Variants in OIT3 observed in about 807,000 individuals in gnomAD.
The protein encoded by OIT3 is oncoprotein induced transcript 3, also known as oncoprotein-induced transcript 3 protein.
A neutral mutation model predicts 52.2 loss-of-function variants in OIT3; 41 were observed. That is an observed-to-expected ratio of 0.79 (90% CI 0.61 to 1.02). OIT3 has a LOEUF of 1.02. Ranked by LOEUF, OIT3 falls within the 50% of genes least tolerant of loss-of-function variation. The pLI, the probability that OIT3 is intolerant of heterozygous loss-of-function variation, is 0.00. For missense variants in OIT3, 634 were observed against 715.5 expected (o/e 0.89, Z 1.30); for synonymous variants, 244 against 276.9 (o/e 0.88, Z 1.18).
At position 72,924,553 on chromosome 10, in the gene OIT3, G is replaced by C; in HGVS notation, c.1276G>C (p.Val426Leu). Residue 426 changes from valine (V) to leucine (L), a missense_variant, in exon 7 of 9, where the codon GTG becomes CTG. Coordinates refer to ENST00000334011, the MANE Select transcript of OIT3 (RefSeq NM_152635.3). ...CTTTGGCATTGAGCCCGTGGTGCAC[G>C]TGAGCGGCTTGGAAAGCTTGGTGGA... ...LYFGIEPVVH[V>L]SGLESLVESC... 6.2e-7 allele frequency: 1 copy of C among 1,614,146 alleles called. No individual in the cohort carries two copies. Among genetic ancestry groups the C allele is most frequent in the Non-Finnish European group, 8.5e-7 (1 of 1,180,032 alleles).
At chr10:72,899,316 G>T (rs1845905877) in intron 2 of OIT3, among the ~76,000 whole-genome samples, 1 of 152,136 alleles carries the variant, frequency 6.6e-6, no homozygotes, top group Non-Finnish European at 1.5e-5. Flanking sequence ...GAAACATTGG[G>T]CCAGGCGCAG....
intron 6 of OIT3, chr10:72,913,708 CACAG>C (rs1564593353): frequency 1.6e-6 from 1 of 619,710 alleles, no homozygotes; most frequent in Non-Finnish European, 3.0e-6. Context: ...CTCCAGCATG[CACAG>C]ACATTTTCCT....
At chr10:72,915,440 G>T (rs1846064398) in intron 6 of OIT3, among the ~76,000 whole-genome samples, 1 of 152,108 alleles carries the variant, frequency 6.6e-6, no homozygotes, top group South Asian at 2.1e-4. Flanking sequence ...GGAAACACTG[G>T]GTTAGGTTCC....
intron 6 of OIT3, chr10:72,918,025 C>T (rs182086541): frequency 2.7e-4 from 221 of 829,756 alleles, no homozygotes; most frequent in East Asian, 2.2e-3. Context: ...TCTTCTTCAT[C>T]GTCATCATCA....
chr10:72,899,430 A>G (rs1419017754), intron 2 of OIT3, among the ~76,000 whole-genome samples: 1 of 151,926 alleles, frequency 6.6e-6, no homozygotes, highest in Non-Finnish European at 1.5e-5. Flanking sequence ...CCCTGTCTCT[A>G]CTAGAAATAC....
intron 7 of OIT3, among the ~76,000 whole-genome samples, chr10:72,927,303 C>T (rs1846178054): frequency 1.3e-5 from 2 of 152,114 alleles, no homozygotes; most frequent in South Asian, 4.2e-4. Flanking sequence ...CCACACCCAA[C>T]TGATTTTTGT....
intron 6 of OIT3, among the ~76,000 whole-genome samples, chr10:72,923,075 C>T (rs899602699): frequency 3.3e-5 from 5 of 152,184 alleles, no homozygotes; most frequent in Admixed American, 6.5e-5. Context: ...GATGGGGTTT[C>T]ACCATGTTGG....
intron 3 of OIT3, among the ~76,000 whole-genome samples, chr10:72,905,407 G>T (rs1564590916): frequency 6.6e-6 from 1 of 152,096 alleles, no homozygotes; most frequent in Non-Finnish European, 1.5e-5. Context: ...GGAGGCAGGG[G>T]TTGCAGTGAG....
intron 7 of OIT3, 145 bp from the exon 8 acceptor site, chr10:72,930,393 A>C: frequency 1.5e-6 from 1 of 680,350 alleles, no homozygotes; most frequent in South Asian, 1.7e-5. Flanking sequence ...GAAAAATTTA[A>C]TTTTTCTTTC....
chr10:72,928,925 T>C (rs1360331309), intron 7 of OIT3, among the ~76,000 whole-genome samples: 1 of 152,132 alleles, frequency 6.6e-6, no homozygotes, highest in Non-Finnish European at 1.5e-5. Flanking sequence ...GCAGTCTGGC[T>C]GGGCACTGTC....
At position 72,932,569 on chromosome 10, in the gene OIT3, T is replaced by C. The variant is rs1313158243; in HGVS notation, c.*45T>C. On this transcript the variant is annotated 3_prime_UTR_variant, in exon 9 of 9. Transcript: ENST00000334011. The stretch of plus-strand genomic sequence containing the variant: ...TCCCTGCATTGGACGGCTCTGCTCT[T>C]TGGAGCTTCTCCCCCCACCGCCCTC... The C allele has an allele frequency of 1.3e-6, 2 of 1,512,478 alleles. No homozygotes were observed. The highest frequency in any genetic ancestry group is 1.3e-5 in the South Asian group (1 of 77,012). The allele number at this position is 1,512,478 out of a possible 1,614,324, so 93.7% of individuals were successfully genotyped here.
chr10:72,898,717 G>A lies in OIT3; in HGVS notation c.115G>A (p.Asp39Asn). 1 of 1,613,734 alleles carries A rather than the reference G, an allele frequency of 6.2e-7. No homozygotes were observed. The highest frequency in any genetic ancestry group is 1.3e-5 in the African/African-American group (1 of 75,030). Residue 39 changes from aspartate (D) to asparagine (N), a missense_variant, in exon 2 of 9, where the codon GAC becomes AAC. Coordinates refer to ENST00000334011, the MANE Select transcript of OIT3 (RefSeq NM_152635.3). ...CCTGAATGAGCCCTGGAGGAACACT[G>A]ACCACCAGTTGGATGAGTCTCAAGG... The part of the protein sequence containing the change: ...ISLNEPWRNT[D>N]HQLDESQGPP...
chr10:72,913,057 A>T (rs1846043159), intron 5 of OIT3, among the ~76,000 whole-genome samples: 1 of 152,206 alleles, frequency 6.6e-6, no homozygotes, highest in Non-Finnish European at 1.5e-5. Context: ...TTCGAAACCA[A>T]TGTTTGGTGA....
chr10:72,910,879 A>C (rs1338441474), intron 4 of OIT3, among the ~76,000 whole-genome samples: 1 of 152,240 alleles, frequency 6.6e-6, no homozygotes, highest in Non-Finnish European at 1.5e-5. Context: ...AGGTAAATGA[A>C]TGCACATGGC....
At chr10:72,927,070 G>A (rs1846176104) in intron 7 of OIT3, among the ~76,000 whole-genome samples, 3 of 152,128 alleles carry the variant, frequency 2.0e-5, no homozygotes, top group Admixed American at 2.0e-4. Flanking sequence ...TACAATCTTA[G>A]TAGAGCTTGT....
At chr10:72,912,631 G>A (rs1273164595) in intron 5 of OIT3, among the ~76,000 whole-genome samples, 4 of 151,948 alleles carry the variant, frequency 2.6e-5, no homozygotes, top group South Asian at 2.1e-4. Flanking sequence ...TATGTAATGG[G>A]CACCTATTTT....
intron 1 of OIT3, among the ~76,000 whole-genome samples, chr10:72,894,874 G>A (rs1290645386): frequency 6.6e-6 from 1 of 151,672 alleles, no homozygotes; most frequent in Non-Finnish European, 1.5e-5. Context: ...GGCAACAGAG[G>A]GAGACTCCAT....
At chr10:72,931,458 G>A (rs777716602) in intron 8 of OIT3, among the ~76,000 whole-genome samples, 3 of 152,152 alleles carry the variant, frequency 2.0e-5, no homozygotes, top group Admixed American at 6.6e-5. Flanking sequence ...CTGCACTCCA[G>A]CATGGGTGAG....
At chr10:72,900,155 G>C (rs982691879) in intron 2 of OIT3, among the ~76,000 whole-genome samples, 1 of 152,114 alleles carries the variant, frequency 6.6e-6, no homozygotes, top group African/African-American at 2.4e-5. Flanking sequence ...CACTTATGAG[G>C]CTCTCTCAAG....
Sources: gnomAD v4.1 joint callset for allele counts (sites outside exome capture counted in the v4.1 genomes callset) on GRCh38, gnomAD v4.1.1 for gene constraint, MANE v1.5 for transcripts, NCBI Gene and HGNC (gene_info 2026-07-23, HGNC 2026-07-21) for gene names.